Variants in PLEKHA2 observed in about 807,000 individuals in gnomAD.
PLEKHA2 encodes pleckstrin homology domain containing A2.
Under a neutral mutation model 53.2 loss-of-function variants are expected in PLEKHA2, and 28 were observed. The ratio of observed to expected loss-of-function variants is 0.53; its 90% CI spans 0.39 to 0.72. PLEKHA2 has a LOEUF of 0.72. Among genes scored for constraint, PLEKHA2 ranks in the 30% least tolerant of loss-of-function variants. The pLI, the probability that PLEKHA2 is intolerant of heterozygous loss-of-function variation, is 0.00. For synonymous variants in PLEKHA2, 193 were observed against 196.4 expected (o/e 0.98, Z 0.14); for missense variants, 426 against 537.9 (o/e 0.79, Z 2.06).
chr8:38,966,939 C>T (rs1342735217), intron 10 of PLEKHA2, among the ~76,000 whole-genome samples: 6 of 152,002 alleles, frequency 3.9e-5, no homozygotes, highest in East Asian at 1.9e-4. Context: ...ATCCCTCACC[C>T]GCCTCCCACC....
At chr8:38,950,408 C>T (rs1554559948) in intron 5 of PLEKHA2, 1 of 155,196 alleles carries the variant, frequency 6.4e-6, no homozygotes, top group Non-Finnish European at 1.4e-5. Flanking sequence ...TCCCTGCCCA[C>T]TCTGTTTCCA....
At chr8:38,962,646 T>C (rs1835059864) in intron 10 of PLEKHA2, among the ~76,000 whole-genome samples, 1 of 152,228 alleles carries the variant, frequency 6.6e-6, no homozygotes, top group Admixed American at 6.5e-5. Flanking sequence ...GGTCACCATT[T>C]CCCCATTTCC....
At chr8:38,908,711 T>C in intron 1 of PLEKHA2, among the ~76,000 whole-genome samples, 1 of 152,202 alleles carries the variant, frequency 6.6e-6, no homozygotes, top group East Asian at 1.9e-4. Flanking sequence ...ATGATTGAGA[T>C]CATATTATGT....
At chr8:38,925,306 A>T (rs891396586) in intron 2 of PLEKHA2, among the ~76,000 whole-genome samples, 4 of 152,218 alleles carry the variant, frequency 2.6e-5, no homozygotes, top group African/African-American at 4.8e-5. Flanking sequence ...GCCCTACTCT[A>T]GTACAGCAAT....
intron 1 of PLEKHA2, chr8:38,902,187 A>C (rs1833797578): frequency 7.7e-6 from 1 of 129,936 alleles, no homozygotes; most frequent in East Asian, 2.3e-4. Flanking sequence ...ATTTCACCAA[A>C]ATTTTTTTAA....
intron 10 of PLEKHA2, among the ~76,000 whole-genome samples, chr8:38,957,736 C>T (rs573315523): frequency 2.0e-5 from 3 of 152,304 alleles, no homozygotes; most frequent in Admixed American, 6.5e-5. Context: ...GTGTGGACAT[C>T]ACTGTGTGCG....
At chr8:38,942,945 A>G (rs935283384) in intron 3 of PLEKHA2, among the ~76,000 whole-genome samples, 2 of 152,070 alleles carry the variant, frequency 1.3e-5, no homozygotes, top group Non-Finnish European at 2.9e-5. Context: ...GCTTATTTTC[A>G]TGGTTAGGCC....
At chr8:38,945,613 T>C (rs1284731306) in intron 4 of PLEKHA2, among the ~76,000 whole-genome samples, 1 of 152,186 alleles carries the variant, frequency 6.6e-6, no homozygotes, top group East Asian at 1.9e-4. Context: ...CCTAATGGAA[T>C]GCTCAGAGGA....
intron 10 of PLEKHA2, among the ~76,000 whole-genome samples, chr8:38,963,491 A>G (rs1236966017): frequency 1.3e-5 from 2 of 152,236 alleles, no homozygotes; most frequent in Non-Finnish European, 2.9e-5. Context: ...CCGTAAAAAT[A>G]GATATGTACA....
intron 11 of PLEKHA2, 139 bp from the exon 12 acceptor site, chr8:38,969,282 T>C (rs1835197333): frequency 3.0e-6 from 3 of 992,396 alleles, no homozygotes; most frequent in Non-Finnish European, 2.9e-6. Flanking sequence ...CTTTTGACTG[T>C]ATTTCATTTT....
chr8:38,905,825 C>T (rs2152363419), intron 1 of PLEKHA2, among the ~76,000 whole-genome samples: 1 of 152,050 alleles, frequency 6.6e-6, no homozygotes, highest in East Asian at 1.9e-4. Context: ...GCTGGGTCTA[C>T]AGGCGCATGC....
At chr8:38,939,149 C>T (rs1407146703) in intron 3 of PLEKHA2, among the ~76,000 whole-genome samples, 1 of 152,144 alleles carries the variant, frequency 6.6e-6, no homozygotes, top group Non-Finnish European at 1.5e-5. Context: ...GGTGATCCGC[C>T]TGCCTTGGCC....
intron 1 of PLEKHA2, among the ~76,000 whole-genome samples, chr8:38,915,038 T>C (rs12546556): frequency 0.82 from 124,500 of 152,014 alleles, 51,035 homozygotes; most frequent in African/African-American, 0.84. Context: ...CCCCAAATTC[T>C]TGAGCTCAAG....
intron 8 of PLEKHA2, 101 bp from the exon 9 acceptor site, chr8:38,953,196 T>G (rs1834878826): frequency 1.0e-6 from 1 of 962,696 alleles, no homozygotes; most frequent in Non-Finnish European, 1.7e-6. Flanking sequence ...TCAACCTGAT[T>G]TTAGCCAACC....
rs549614274 is a variant in PLEKHA2, at chr8:38,954,016, A to G, written c.773+649A>G. 2.6e-5 allele frequency among the ~76,000 whole-genome samples: 4 copies of G among 152,302 alleles called. No individual in the cohort carries two copies. The South Asian group carries it at 6.2e-4, about 24-fold the overall frequency. On this transcript the variant is annotated intron_variant, in intron 9 of 11. Coordinates refer to ENST00000617275, the MANE Select transcript of PLEKHA2 (RefSeq NM_021623.2). ...ACCAAATACAGATGCCTATAGAACT[A>G]AACTTTAGAGACCCTAAGGGTATTG...
At chr8:38,951,093 G>A in intron 6 of PLEKHA2, 103 bp downstream of exon 6, 1 of 846,390 alleles carries the variant, frequency 1.2e-6, no homozygotes, top group Non-Finnish European at 1.7e-6. Flanking sequence ...AGGAGGGTGG[G>A]AGTGGGGGGC....
In PLEKHA2 at chr8:38,937,898, C is replaced by T. The variant is rs192564948; in HGVS notation, c.198+1848C>T. Reference sequence around the variant, plus strand: ...GTCAGGTGGCCTGGCCAGAGGGCTGCGTGTGGGCTGGCTGTTCAGGGTGTG... The same window carrying T: ...GTCAGGTGGCCTGGCCAGAGGGCTGTGTGTGGGCTGGCTGTTCAGGGTGTG... On this transcript the variant is annotated intron_variant, in intron 3 of 11. Transcript: ENST00000617275. Among the ~76,000 whole-genome samples the T allele has an allele frequency of 9.2e-5, 14 of 152,266 alleles. No homozygotes were observed. The East Asian group carries it at 1.5e-3, about 17-fold the overall frequency.
At chr8:38,939,533 G>A (rs368909791) in intron 3 of PLEKHA2, among the ~76,000 whole-genome samples, 1 of 152,204 alleles carries the variant, frequency 6.6e-6, no homozygotes, top group Admixed American at 6.5e-5. Context: ...ACAGAGGAAA[G>A]CAAACAAACA....
At chr8:38,967,318 T>TG (rs1041725509) in intron 10 of PLEKHA2, among the ~76,000 whole-genome samples, 2 of 152,208 alleles carry the variant, frequency 1.3e-5, no homozygotes, top group Non-Finnish European at 2.9e-5. Context: ...ATTTTAGGTT[T>TG]GGGGGCACAT....
Sources: gnomAD v4.1 joint callset for allele counts (sites outside exome capture counted in the v4.1 genomes callset) on GRCh38, gnomAD v4.1.1 for gene constraint, MANE v1.5 for transcripts, NCBI Gene and HGNC (gene_info 2026-07-23, HGNC 2026-07-21) for gene names.